Variants in SATB2 observed in about 807,000 individuals in gnomAD.
SATB2 encodes SATB homeobox 2.
Under a neutral mutation model 73.4 loss-of-function variants are expected in SATB2, and 1 was observed. The ratio of observed to expected loss-of-function variants is 0.01; its 90% CI spans 0.00 to 0.06. SATB2 has a LOEUF of 0.06. Ranked by LOEUF, SATB2 falls within the 10% of genes least tolerant of loss-of-function variation. The pLI is 1.00. For missense variants in SATB2, 459 were observed against 945.8 expected, an observed-to-expected ratio of 0.49 and a Z score of 6.75; for synonymous variants, 397 against 367.0, an observed-to-expected ratio of 1.08 and a Z score of -0.93.
At chr2:199,312,645 T>C (rs1415970677) in intron 9 of SATB2, among the ~76,000 whole-genome samples, 5 of 152,236 alleles carry the variant, frequency 3.3e-5, no homozygotes, top group African/African-American at 1.2e-4. Context: ...CTACATTCCA[T>C]GATCTGTTAC....
At chr2:199,439,293 T>A (rs939014262) in intron 2 of SATB2, among the ~76,000 whole-genome samples, 3 of 152,336 alleles carry the variant, frequency 2.0e-5, no homozygotes, top group African/African-American at 4.8e-5. Flanking sequence ...AGGAGCCAGT[T>A]TGAGATGAGA....
intron 10 of SATB2, among the ~76,000 whole-genome samples, chr2:199,304,324 C>A (rs997456585): frequency 2.0e-5 from 3 of 152,128 alleles, no homozygotes; most frequent in African/African-American, 4.8e-5. Flanking sequence ...TTGTTTCCAA[C>A]CTTTCGGGGT....
At chr2:199,404,160 A>G (rs1268220212) in intron 3 of SATB2, among the ~76,000 whole-genome samples, 1 of 152,222 alleles carries the variant, frequency 6.6e-6, no homozygotes, top group African/African-American at 2.4e-5. Context: ...ACATGTAGCC[A>G]ATGTCTCCTC....
intron 7 of SATB2, among the ~76,000 whole-genome samples, chr2:199,339,914 T>C (rs1018558669): frequency 1.4e-4 from 22 of 152,208 alleles, no homozygotes; most frequent in Non-Finnish European, 2.6e-4. Context: ...TTTCATGTTA[T>C]TGCTACATAT....
intron 3 of SATB2, among the ~76,000 whole-genome samples, chr2:199,429,150 G>T (rs1210404758): frequency 6.6e-6 from 1 of 151,858 alleles, no homozygotes; most frequent in African/African-American, 2.4e-5. Context: ...TCTGTATCAT[G>T]TATAAATTTT....
intron 8 of SATB2, chr2:199,325,194 T>G (rs546236958): frequency 6.6e-6 from 1 of 152,220 alleles, no homozygotes; most frequent in Non-Finnish European, 1.5e-5. Context: ...CAATAATTAC[T>G]ATAATTTATG....
intron 3 of SATB2, among the ~76,000 whole-genome samples, chr2:199,386,152 T>C (rs1336946912): frequency 6.6e-6 from 1 of 152,194 alleles, no homozygotes. Context: ...GCAATTCATA[T>C]TTCTGATTTT....
intron 3 of SATB2, among the ~76,000 whole-genome samples, chr2:199,402,246 G>A (rs1407972353): frequency 1.3e-5 from 2 of 152,106 alleles, no homozygotes; most frequent in African/African-American, 2.4e-5. Context: ...TTAGCCAGGC[G>A]TAGTGGTGCG....
At position 199,308,967 on chromosome 2, in the gene SATB2, G is replaced by C. The variant is rs747190227; in HGVS notation, c.1543-10C>G. The stretch of plus-strand genomic sequence containing the variant: ...GTTCACACAGCCAGCCCTGTAGAGA[G>C]AGGAGGTCGCTTGCATTAACCTGCA... On this transcript the variant is annotated splice_polypyrimidine_tract_variant and intron_variant, in intron 9 of 10. Transcript: ENST00000417098. This position sits in a 1 kb window ranked among gnomAD's most constrained non-coding sequence, Gnocchi z 4.6. The C allele has an allele frequency of 2.5e-6, 4 of 1,613,336 alleles. No homozygotes were observed. The highest frequency in any genetic ancestry group is 3.3e-5 in the Admixed American group (2 of 59,980).
intron 10 of SATB2, among the ~76,000 whole-genome samples, chr2:199,274,633 C>A (rs1341519804): frequency 6.6e-6 from 1 of 152,124 alleles, no homozygotes; most frequent in Non-Finnish European, 1.5e-5. Flanking sequence ...AAATCCTAAG[C>A]ACAGGACTAT....
chr2:199,443,807 G>A (rs7588300), intron 2 of SATB2, among the ~76,000 whole-genome samples: 83,097 of 151,954 alleles, frequency 0.55, 26,251 homozygotes, highest in Non-Finnish European at 0.7. Context: ...AAGGGCTAAC[G>A]CTGAAAGGAG....
upstream of SATB2, among the ~76,000 whole-genome samples, chr2:199,468,553 G>C (rs1245720961): frequency 1.3e-5 from 2 of 152,242 alleles, no homozygotes; most frequent in Non-Finnish European, 2.9e-5. Context: ...GAGTGAGGGA[G>C]AGAGAGCTGG....
intron 10 of SATB2, among the ~76,000 whole-genome samples, chr2:199,307,084 A>G (rs1020572019): frequency 1.3e-5 from 2 of 152,062 alleles, no homozygotes; most frequent in Admixed American, 6.5e-5. Context: ...AGTCTAATCC[A>G]GTTCACATCA....
intron 3 of SATB2, among the ~76,000 whole-genome samples, chr2:199,386,886 G>A (rs1194763543): frequency 6.6e-6 from 1 of 151,984 alleles, no homozygotes; most frequent in Non-Finnish European, 1.5e-5. Flanking sequence ...TTCACTTCTA[G>A]AAACTGTCTA....
At chr2:199,431,206 G>A (rs1041325111) in intron 3 of SATB2, among the ~76,000 whole-genome samples, 2 of 152,168 alleles carry the variant, frequency 1.3e-5, no homozygotes, top group Non-Finnish European at 2.9e-5. Context: ...ACACGCTGCT[G>A]TTTATCCAGC....
chr2:199,289,665 A>C (rs1020962675), intron 10 of SATB2, among the ~76,000 whole-genome samples: 1 of 152,188 alleles, frequency 6.6e-6, no homozygotes, highest in African/African-American at 2.4e-5. Flanking sequence ...AACTCAGTAC[A>C]AAACAAACAT....
chr2:199,300,886 C>T (rs753948270), intron 10 of SATB2, among the ~76,000 whole-genome samples: 23 of 152,026 alleles, frequency 1.5e-4, no homozygotes, highest in Non-Finnish European at 3.1e-4. Context: ...CACTTCCAAC[C>T]AGCAACTAAC....
upstream of SATB2, among the ~76,000 whole-genome samples, chr2:199,461,469 AC>A (rs1416277859): frequency 6.6e-6 from 1 of 152,212 alleles, no homozygotes; most frequent in Non-Finnish European, 1.5e-5. Context: ...TTATTTCCAA[AC>A]TTTTTAAAAC....
At chr2:199,281,125 T>C (rs903671487) in intron 10 of SATB2, among the ~76,000 whole-genome samples, 2 of 152,026 alleles carry the variant, frequency 1.3e-5, no homozygotes, top group African/African-American at 4.8e-5. Context: ...CCCCCGATAC[T>C]TGGGAGGCTG....
Sources: allele counts gnomAD v4.1 joint callset (sites outside exome capture counted in the v4.1 genomes callset), GRCh38; gene constraint gnomAD v4.1.1; non-coding constraint Gnocchi (gnomAD v3.1); transcripts MANE v1.5; gene names NCBI Gene and HGNC (gene_info 2026-07-23, HGNC 2026-07-21).